RGS7BP: variants seen among roughly 807,000 people sequenced by gnomAD.
RGS7BP encodes regulator of G protein signaling 7-binding protein.
A neutral mutation model predicts 31.3 loss-of-function variants in RGS7BP; 9 were observed. That is an observed-to-expected ratio of 0.29 (90% CI 0.17 to 0.50). The LOEUF (loss-of-function observed/expected upper bound fraction) is 0.50, where lower values mean the gene tolerates loss of function less well. Ranked by LOEUF, RGS7BP falls within the 20% of genes least tolerant of loss-of-function variation. The probability of loss-of-function intolerance (pLI) is 0.98; values close to 1 mark genes in which losing one functional copy is unlikely to be tolerated. For synonymous variants in RGS7BP, 115 were observed against 120.1 expected (o/e 0.96, Z 0.28); for missense variants, 274 against 322.0 (o/e 0.85, Z 1.14).
chr5:64,581,608 C>A (rs971765201), intron 3 of RGS7BP, among the ~76,000 whole-genome samples: 1 of 152,170 alleles, frequency 6.6e-6, no homozygotes, highest in African/African-American at 2.4e-5. Context: ...TAGTTTCTTT[C>A]TGGGAAAAAC....
chr5:64,540,304 C>T (rs776742624), intron 2 of RGS7BP, among the ~76,000 whole-genome samples: 1 of 152,222 alleles, frequency 6.6e-6, no homozygotes, highest in Non-Finnish European at 1.5e-5. Flanking sequence ...AGATTGAACT[C>T]ATGTTGTATG....
At chr5:64,530,762 C>CA (rs1561324446) in intron 2 of RGS7BP, among the ~76,000 whole-genome samples, 1 of 146,426 alleles carries the variant, frequency 6.8e-6, no homozygotes, top group African/African-American at 2.5e-5. Context: ...AGGGTTTTTT[C>CA]TTTTTTTTTT....
At chr5:64,563,563 T>C (rs1034760726) in intron 2 of RGS7BP, among the ~76,000 whole-genome samples, 3 of 152,102 alleles carry the variant, frequency 2.0e-5, no homozygotes, top group African/African-American at 7.2e-5. Context: ...AGAACTTCAG[T>C]GATTGCCAGA....
At chr5:64,602,455 A>G (rs1387171712) in intron 5 of RGS7BP, among the ~76,000 whole-genome samples, 4 of 152,174 alleles carry the variant, frequency 2.6e-5, no homozygotes, top group African/African-American at 9.7e-5. Context: ...TCTACTCACT[A>G]TCTACTGAAG....
intron 5 of RGS7BP, among the ~76,000 whole-genome samples, chr5:64,603,859 G>A (rs1743284398): frequency 1.3e-5 from 2 of 152,094 alleles, no homozygotes; most frequent in South Asian, 4.1e-4. Context: ...GATGTGCCAA[G>A]AGCTGTAGCA....
At position 64,506,732 on chromosome 5, in the gene RGS7BP, G is replaced by A. The variant is rs1212224120; in HGVS notation, c.108G>A (p.Arg36=). ...TGCAGAGCGGAGATTGGGAGCGCAG[G>A]GGCAGCGGCTCCGAGAGCGCCCACA... ...PPLQSGDWER[R]GSGSESAHKT... Residue 36 remains arginine (R), a synonymous_variant, in exon 1 of 6, where the codon AGG becomes AGA. Coordinates refer to ENST00000334025, the MANE Select transcript of RGS7BP (RefSeq NM_001029875.3). This position sits in a 1 kb window ranked among gnomAD's most constrained non-coding sequence, Gnocchi z 4.6. The A allele has an allele frequency of 1.2e-6, 2 of 1,607,410 alleles. No individual in the cohort carries two copies. Among genetic ancestry groups the A allele is most frequent in the Non-Finnish European group, 8.5e-7 (1 of 1,174,632 alleles).
At chr5:64,526,139 T>C (rs1749225267) in intron 2 of RGS7BP, among the ~76,000 whole-genome samples, 1 of 152,186 alleles carries the variant, frequency 6.6e-6, no homozygotes. Flanking sequence ...GAGAGCCAGA[T>C]CTCAAATCCA....
chr5:64,525,012 A>G (rs1174077466), intron 2 of RGS7BP, among the ~76,000 whole-genome samples: 1 of 151,994 alleles, frequency 6.6e-6, no homozygotes, highest in African/African-American at 2.4e-5. Flanking sequence ...CATAAACTTC[A>G]TGTATTTCTT....
At chr5:64,600,022 A>G (rs1743177936) in intron 5 of RGS7BP, among the ~76,000 whole-genome samples, 1 of 152,184 alleles carries the variant, frequency 6.6e-6, no homozygotes, top group Non-Finnish European at 1.5e-5. Flanking sequence ...AGCTTTGCTC[A>G]AATCACCATC....
chr5:64,558,542 T>C (rs1741977630), intron 2 of RGS7BP, among the ~76,000 whole-genome samples: 1 of 152,166 alleles, frequency 6.6e-6, no homozygotes, highest in Non-Finnish European at 1.5e-5. Context: ...ACCCTGTGAT[T>C]ATTGCATTAA....
Position 64,506,385 on chromosome 5 carries a change from A to C in RGS7BP, c.-240A>C. On this transcript the variant is annotated 5_prime_UTR_variant, in exon 1 of 6. Transcript: ENST00000334025. The surrounding 1 kb of genome is among the most constrained non-coding windows in gnomAD (Gnocchi z 4.6). ...GACAGGGTCGGCAATGCTGCTGAGCAGAACTTGATCGCGCTCCTTCCTCGC... is the reference window on the plus strand; with the variant it reads ...GACAGGGTCGGCAATGCTGCTGAGCCGAACTTGATCGCGCTCCTTCCTCGC... The C allele has an allele frequency of 2.6e-6, 1 of 387,972 alleles. No homozygotes were observed. Among genetic ancestry groups the C allele is most frequent in the African/African-American group, 2.1e-5 (1 of 48,026 alleles). The allele number at this position is 387,972 out of a possible 1,614,324, so 24.0% of individuals were successfully genotyped here.
intron 2 of RGS7BP, among the ~76,000 whole-genome samples, chr5:64,569,465 T>C (rs555559864): frequency 7.9e-5 from 12 of 152,278 alleles, no homozygotes; most frequent in Admixed American, 7.9e-4. Context: ...TTTTTTTAAT[T>C]GTAGTACTCA....
At chr5:64,507,155 C>T (rs1341412549) in intron 1 of RGS7BP, among the ~76,000 whole-genome samples, 2 of 152,174 alleles carry the variant, frequency 1.3e-5, no homozygotes, top group African/African-American at 2.4e-5. Context: ...AGCAAACAAA[C>T]CCAAATACAG....
chr5:64,608,369 T>C (rs572082128), intron 5 of RGS7BP, among the ~76,000 whole-genome samples: 33 of 152,016 alleles, frequency 2.2e-4, no homozygotes, highest in Admixed American at 4.6e-4. Flanking sequence ...CCTGTCATCA[T>C]CCTAAAAATT....
intron 3 of RGS7BP, among the ~76,000 whole-genome samples, chr5:64,586,669 T>A (rs895009404): frequency 6.6e-6 from 1 of 152,230 alleles, no homozygotes; most frequent in African/African-American, 2.4e-5. Context: ...TTGATCACCA[T>A]GAGTATGTTC....
At chr5:64,579,543 C>CAAAAAAAAAAAAAAAAA (rs34003776) in intron 3 of RGS7BP, among the ~76,000 whole-genome samples, 2 of 53,308 alleles carry the variant, frequency 3.8e-5, no homozygotes, top group Non-Finnish European at 6.1e-5. Flanking sequence ...GACTCCATCT[C>CAAAAAAAAAAAAAAAAA]AAAAAAAAAA....
intron 5 of RGS7BP, chr5:64,601,601 C>G (rs1384815654): frequency 5.4e-6 from 1 of 185,822 alleles, no homozygotes; most frequent in Non-Finnish European, 1.0e-5. Context: ...CTGCTGAGTT[C>G]CACTGCAGGC....
chr5:64,563,159 A>AAG (rs1742092984), intron 2 of RGS7BP, among the ~76,000 whole-genome samples: 3 of 152,070 alleles, frequency 2.0e-5, no homozygotes, highest in Non-Finnish European at 4.4e-5. Flanking sequence ...AGAAAGGGAA[A>AAG]GTAGGGTTAA....
intron 2 of RGS7BP, among the ~76,000 whole-genome samples, chr5:64,537,467 C>T (rs192600473): frequency 3.3e-5 from 5 of 152,150 alleles, no homozygotes; most frequent in African/African-American, 4.8e-5. Flanking sequence ...ATATAGTTAG[C>T]GTTGAATTTT....
Sources: gnomAD v4.1 joint callset for allele counts (sites outside exome capture counted in the v4.1 genomes callset) on GRCh38, gnomAD v4.1.1 for gene constraint, Gnocchi (gnomAD v3.1) non-coding constraint, MANE v1.5 for transcripts, NCBI Gene and HGNC (gene_info 2026-07-23, HGNC 2026-07-21) for gene names.